SEC24D: variants seen among roughly 807,000 people sequenced by gnomAD.
The protein encoded by SEC24D is SEC24 homolog D, COPII component.
Under a neutral mutation model 116.9 loss-of-function variants are expected in SEC24D, and 69 were observed. The ratio of observed to expected loss-of-function variants is 0.59; its 90% confidence interval spans 0.49 to 0.72. SEC24D has a LOEUF of 0.72. Among genes scored for constraint, SEC24D ranks in the 30% least tolerant of loss-of-function variants. SEC24D has a pLI of 0.00. For synonymous variants in SEC24D, 405 were observed against 442.8 expected (o/e 0.91, Z 1.07); for missense variants, 1,131 against 1,264.1 (o/e 0.89, Z 1.60).
chr4:118,806,483 C>T (rs973215487), intron 6 of SEC24D, among the ~76,000 whole-genome samples: 1 of 151,942 alleles, frequency 6.6e-6, no homozygotes, highest in Admixed American at 6.6e-5. Flanking sequence ...CCACACCTGG[C>T]TAATTTTCTT....
chr4:118,761,464 T>G (rs1028433630), intron 10 of SEC24D, among the ~76,000 whole-genome samples: 2 of 152,222 alleles, frequency 1.3e-5, no homozygotes, highest in African/African-American at 2.4e-5. Context: ...AATAAAAAGA[T>G]AGACTGCGTC....
intron 10 of SEC24D, chr4:118,758,497 GCTACGAACATGTTT>G (rs1470108161): frequency 6.6e-6 from 1 of 152,126 alleles, no homozygotes; most frequent in Non-Finnish European, 1.5e-5. Flanking sequence ...TAAAGCAGCT[GCTACGAACATGTTT>G]TTTAGTTGTT....
At chr4:118,753,750 T>C (rs751127276) in intron 11 of SEC24D, among the ~76,000 whole-genome samples, 2 of 152,126 alleles carry the variant, frequency 1.3e-5, no homozygotes, top group Non-Finnish European at 2.9e-5. Context: ...AGAAAACACA[T>C]AGATACTATT....
chr4:118,798,169 G>C (rs1729263554), intron 7 of SEC24D, among the ~76,000 whole-genome samples: 1 of 152,096 alleles, frequency 6.6e-6, no homozygotes, highest in African/African-American at 2.4e-5. Context: ...AAATATGACA[G>C]AACAAAACTT....
chr4:118,727,313 A>G (rs1163061178), intron 22 of SEC24D, among the ~76,000 whole-genome samples: 1 of 152,212 alleles, frequency 6.6e-6, no homozygotes, highest in East Asian at 1.9e-4. Flanking sequence ...GGTGCTTAAT[A>G]TTTTATTCAC....
At chr4:118,743,306 A>T (rs1395097085) in intron 15 of SEC24D, among the ~76,000 whole-genome samples, 1 of 151,914 alleles carries the variant, frequency 6.6e-6, no homozygotes, top group Non-Finnish European at 1.5e-5. Context: ...AACACTTAGG[A>T]AGTATGGAAT....
At chr4:118,788,174 C>G (rs968159363) in intron 8 of SEC24D, among the ~76,000 whole-genome samples, 3 of 152,174 alleles carry the variant, frequency 2.0e-5, no homozygotes, top group African/African-American at 4.8e-5. Flanking sequence ...ACTGAAAGTG[C>G]TATACATATG....
intron 7 of SEC24D, among the ~76,000 whole-genome samples, chr4:118,799,445 T>C (rs1030410428): frequency 1.3e-5 from 2 of 152,204 alleles, no homozygotes; most frequent in Non-Finnish European, 2.9e-5. Context: ...CAATTAGATA[T>C]GTACATCTGG....
chr4:118,820,777 T>C (rs1730368420), intron 3 of SEC24D, among the ~76,000 whole-genome samples: 1 of 152,150 alleles, frequency 6.6e-6, no homozygotes, highest in African/African-American at 2.4e-5. Context: ...AAACATTCAA[T>C]TATATATTTT....
chr4:118,821,054 G>A (rs1378527850), intron 3 of SEC24D, among the ~76,000 whole-genome samples: 1 of 151,656 alleles, frequency 6.6e-6, no homozygotes, highest in Non-Finnish European at 1.5e-5. Flanking sequence ...GTTTGTATGC[G>A]GAATTAAGAT....
chr4:118,749,552 T>G (rs1396976251), intron 13 of SEC24D, among the ~76,000 whole-genome samples: 5 of 152,222 alleles, frequency 3.3e-5, no homozygotes, highest in Non-Finnish European at 7.3e-5. Flanking sequence ...CTACTCCCTG[T>G]GCACAGGGGA....
intron 2 of SEC24D, among the ~76,000 whole-genome samples, chr4:118,826,113 A>G (rs56283736): frequency 0.044 from 6,640 of 152,132 alleles, 201 homozygotes; most frequent in Non-Finnish European, 0.064. Flanking sequence ...GGACATTTTT[A>G]TATTAATTCT....
chr4:118,740,645 G>A lies in SEC24D; in HGVS notation c.2238+18C>T. Reference sequence around the variant, plus strand: ...AACAAACTAAAATAACGAAAGGTGGGAATACACTTTCAATCACCTGGATTA... The same window carrying A: ...AACAAACTAAAATAACGAAAGGTGGAAATACACTTTCAATCACCTGGATTA... On this transcript the variant is annotated intron_variant, in intron 17 of 22. Transcript: ENST00000280551. The A allele has an allele frequency of 6.2e-7, 1 of 1,612,556 alleles. No homozygotes were observed. The highest frequency in any genetic ancestry group is 8.5e-7 in the Non-Finnish European group (1 of 1,178,986).
At chr4:118,742,999 T>C (rs1726310041) in intron 15 of SEC24D, among the ~76,000 whole-genome samples, 1 of 152,026 alleles carries the variant, frequency 6.6e-6, no homozygotes, top group African/African-American at 2.4e-5. Context: ...GCCCACTCTG[T>C]GCCGGGGCGC....
chr4:118,821,986 C>T (rs1730422009), intron 3 of SEC24D, among the ~76,000 whole-genome samples: 2 of 152,174 alleles, frequency 1.3e-5, no homozygotes, highest in African/African-American at 2.4e-5. Context: ...CAGTACTTCC[C>T]TAGGAATCAC....
chr4:118,784,709 T>A (rs1291656799), intron 8 of SEC24D, among the ~76,000 whole-genome samples: 1 of 151,706 alleles, frequency 6.6e-6, no homozygotes, highest in Non-Finnish European at 1.5e-5. Flanking sequence ...CTCTTTTTTG[T>A]TACAGGTACT....
At position 118,748,344 on chromosome 4, in the gene SEC24D, T is replaced by A. The variant is rs144352350; in HGVS notation, c.1708-3284A>T. On this transcript the variant is annotated intron_variant, in intron 13 of 22. Transcript: ENST00000280551. ...GCCCACTAGGAAAAAAGGTCTATATTGTTTAAAAGTCATATTTATTTTTTC... is the reference window on the plus strand; with the variant it reads ...GCCCACTAGGAAAAAAGGTCTATATAGTTTAAAAGTCATATTTATTTTTTC... Among the ~76,000 whole-genome samples the A allele has an allele frequency of 5.0e-3, 759 of 152,256 alleles. 5 individuals are homozygous for A. The highest frequency in any genetic ancestry group is 0.018 in the African/African-American group (728 of 41,576).
Position 118,741,174 on chromosome 4 carries a change from T to G in SEC24D, c.1996-137A>C, listed in dbSNP as rs114323097. ...ATATTTTTTTATTATATATTATGCTTCTTTGGTTAAAGAAAATATAGCATT... is the reference window on the plus strand; with the variant it reads ...ATATTTTTTTATTATATATTATGCTGCTTTGGTTAAAGAAAATATAGCATT... On this transcript the variant is annotated intron_variant, in intron 15 of 22. Coordinates refer to ENST00000280551, the MANE Select transcript of SEC24D (RefSeq NM_014822.4). The G allele has an allele frequency of 4.1e-3, 1,988 of 482,082 alleles. 28 individuals are homozygous for G. The highest frequency in any genetic ancestry group is 0.036 in the African/African-American group (1,807 of 50,416). The allele number at this position is 482,082 out of a possible 1,614,324, so 29.9% of individuals were successfully genotyped here.
intron 21 of SEC24D, chr4:118,730,165 T>C (rs1004820531): frequency 2.0e-5 from 3 of 152,248 alleles, no homozygotes; most frequent in Admixed American, 1.3e-4. Flanking sequence ...TATGTCAATA[T>C]ATTACAAGAG....
Sources: gnomAD v4.1 joint callset for allele counts (sites outside exome capture counted in the v4.1 genomes callset) on GRCh38, gnomAD v4.1.1 for gene constraint, MANE v1.5 for transcripts, NCBI Gene and HGNC (gene_info 2026-07-23, HGNC 2026-07-21) for gene names.